USPL1: variants seen among roughly 807,000 people sequenced by gnomAD.
USPL1 encodes the protein SUMO-specific isopeptidase USPL1.
A neutral mutation model predicts 51.5 loss-of-function variants in USPL1; 27 were observed. That is an observed-to-expected ratio of 0.52 (90% CI 0.39 to 0.72). The LOEUF (loss-of-function observed/expected upper bound fraction) is 0.72. Among genes scored for constraint, USPL1 ranks in the 30% least tolerant of loss-of-function variants. USPL1 has a pLI of 0.00. For missense variants in USPL1, 1,226 were observed against 1,268.0 expected, an observed-to-expected ratio of 0.97 and a Z score of 0.50; for synonymous variants, 451 against 459.6, an observed-to-expected ratio of 0.98 and a Z score of 0.24.
Position 30,658,075 on chromosome 13 carries a change from A to G in USPL1, c.1998A>G (p.Val666=). 3 of 1,613,412 alleles carry G rather than the reference A, an allele frequency of 1.9e-6. No individual in the cohort carries two copies. Among genetic ancestry groups the G allele is most frequent in the Non-Finnish European group, 2.5e-6 (3 of 1,179,978 alleles). Residue 666 remains valine, a synonymous_variant, in exon 9 of 9, where the codon GTA becomes GTG. Transcript: ENST00000255304. The stretch of plus-strand genomic sequence containing the variant: ...TTGTAAATACAAACATGCAGTCAGT[A>G]CAGCTGAATACAGAAGATACTGTAA... The part of the protein sequence containing the change: ...SQVVNTNMQS[V]QLNTEDTVNT...
At chr13:30,625,663 G>C (rs1299702252) in intron 3 of USPL1, among the ~76,000 whole-genome samples, 1 of 151,932 alleles carries the variant, frequency 6.6e-6, no homozygotes, top group Non-Finnish European at 1.5e-5. Context: ...GGATGGGCTT[G>C]ATTTCCTGAC....
At position 30,632,431 on chromosome 13, in the gene USPL1, T is replaced by TA. The variant is rs1555247844; in HGVS notation, c.868+959dup. Among the ~76,000 whole-genome samples, 4 of 147,764 alleles carry TA rather than the reference T, an allele frequency of 2.7e-5. 1 individual carries two copies. In the East Asian group the frequency reaches 5.9e-4, roughly 22 times the overall value. ...ATTTTTTTTTTTTTTTTTTTTTTTT[T>TA]AAGACAGAGCCTCACTCTGTTGCCC... On this transcript the variant is annotated intron_variant, in intron 4 of 8. Coordinates refer to ENST00000255304, the MANE Select transcript of USPL1 (RefSeq NM_005800.5).
chr13:30,637,684 G>A (rs2137657960), intron 4 of USPL1, 60 bp from the exon 5 acceptor site: 1 of 1,366,610 alleles, frequency 7.3e-7, no homozygotes, highest in Non-Finnish European at 1.0e-6. Flanking sequence ...GAATGTGTCA[G>A]TTTTCTGTGG....
intron 5 of USPL1, among the ~76,000 whole-genome samples, chr13:30,641,167 A>G (rs1950942372): frequency 6.6e-6 from 1 of 152,254 alleles, no homozygotes; most frequent in Non-Finnish European, 1.5e-5. Flanking sequence ...GTAAATACCA[A>G]TCATAGGGAC....
intron 4 of USPL1, among the ~76,000 whole-genome samples, chr13:30,635,624 A>G (rs1387301012): frequency 6.6e-6 from 1 of 152,158 alleles, no homozygotes; most frequent in Non-Finnish European, 1.5e-5. Context: ...TTGGCCATAT[A>G]TATTTTGGGG....
intron 4 of USPL1, 31 bp downstream of exon 4, chr13:30,631,505 T>G (rs781544780): frequency 2.6e-5 from 41 of 1,550,152 alleles, no homozygotes; most frequent in South Asian, 4.9e-5. Context: ...TTTATTTACT[T>G]ATTTATTCAT....
chr13:30,636,760 T>G (rs1207715785), intron 4 of USPL1, among the ~76,000 whole-genome samples: 3 of 152,192 alleles, frequency 2.0e-5, no homozygotes, highest in African/African-American at 7.2e-5. Context: ...TTCAGCTGAA[T>G]ATAGTGGCAT....
In USPL1 at chr13:30,647,003, G is replaced by A. The variant is rs780111487; in HGVS notation, c.1184G>A (p.Gly395Asp). 6.2e-7 allele frequency: 1 copy of A among 1,613,686 alleles called. No homozygotes were observed. Among genetic ancestry groups the A allele is most frequent in the East Asian group, 2.2e-5 (1 of 44,872 alleles). Residue 395 changes from glycine (G) to aspartate (D), a missense_variant, in exon 7 of 9, where the codon GGT becomes GAT. Coordinates refer to ENST00000255304, the MANE Select transcript of USPL1 (RefSeq NM_005800.5). ...EWHPLNAAHF[G>D]PCNNCNSKSQ... is the part of the protein sequence containing the mutation. ...CACCCACTTAATGCTGCCCATTTTG[G>A]TCCATGTAACAATTGCAACAGTAAA...
chr13:30,639,392 T>C (rs1950917667), intron 5 of USPL1, among the ~76,000 whole-genome samples: 1 of 151,960 alleles, frequency 6.6e-6, no homozygotes, highest in Non-Finnish European at 1.5e-5. Context: ...TTTATTAAAA[T>C]TAATATATAA....
chr13:30,632,071 C>G (rs949141524), intron 4 of USPL1, among the ~76,000 whole-genome samples: 1 of 151,992 alleles, frequency 6.6e-6, no homozygotes, highest in African/African-American at 2.4e-5. Flanking sequence ...ACCCATCAAC[C>G]CGTCACCTAT....
intron 8 of USPL1, 152 bp downstream of exon 8, chr13:30,653,457 G>A (rs1017130547): frequency 1.8e-5 from 13 of 736,656 alleles, no homozygotes; most frequent in African/African-American, 3.6e-5. Flanking sequence ...GCCCCTCCTC[G>A]CATCTATTAA....
At chr13:30,638,134 G>A (rs1476637721) in intron 5 of USPL1, among the ~76,000 whole-genome samples, 1 of 152,208 alleles carries the variant, frequency 6.6e-6, no homozygotes, top group African/African-American at 2.4e-5. Context: ...TGCTTCTCTA[G>A]TACGTTTCCT....
chr13:30,627,427 T>C (rs149732592), intron 3 of USPL1, among the ~76,000 whole-genome samples: 225 of 152,170 alleles, frequency 1.5e-3, no homozygotes, highest in African/African-American at 4.9e-3. Flanking sequence ...ACAGATTATA[T>C]AGAGAAAAGT....
chr13:30,621,363 C>G, intron 2 of USPL1, 124 bp downstream of exon 2: 1 of 668,222 alleles, frequency 1.5e-6, no homozygotes, highest in South Asian at 2.1e-5. Flanking sequence ...GGAAATCTTA[C>G]AGTAATGGCG....
chr13:30,652,931 T>G (rs1177463014), intron 7 of USPL1, among the ~76,000 whole-genome samples: 1 of 152,238 alleles, frequency 6.6e-6, no homozygotes, highest in Non-Finnish European at 1.5e-5. Flanking sequence ...GACTTCCAAC[T>G]GTCTGGGATA....
In USPL1 at chr13:30,621,197, T is replaced by C; in HGVS notation, c.57T>C (p.Asp19=). The C allele has an allele frequency of 6.2e-7, 1 of 1,605,860 alleles. No homozygotes were observed. Among genetic ancestry groups the C allele is most frequent in the Non-Finnish European group, 8.5e-7 (1 of 1,177,200 alleles). The change falls in exon 2 of 9, where the codon GAT becomes GAC. Residue 19 remains aspartate, a synonymous_variant. Coordinates refer to ENST00000255304, the MANE Select transcript of USPL1 (RefSeq NM_005800.5). The stretch of plus-strand genomic sequence containing the variant: ...TGCCAGTGATTGGACCAGGGACTGA[T>C]ATAGGGATATCTTCACTCCACATGG... ...NGLPVIGPGT[D]IGISSLHMVG...
chr13:30,647,136 T>G (rs1353787604), intron 7 of USPL1, 79 bp downstream of exon 7: 2 of 1,433,350 alleles, frequency 1.4e-6, no homozygotes, highest in Admixed American at 3.7e-5. Context: ...GGATTGAAAA[T>G]GGTGACAACA....
At chr13:30,643,854 G>A (rs1950982305) in intron 6 of USPL1, among the ~76,000 whole-genome samples, 1 of 151,192 alleles carries the variant, frequency 6.6e-6, no homozygotes, top group African/African-American at 2.4e-5. Flanking sequence ...AGGTGATCCA[G>A]CCACCTGAGC....
intron 7 of USPL1, among the ~76,000 whole-genome samples, chr13:30,648,775 G>C (rs1468760099): frequency 6.6e-6 from 1 of 152,146 alleles, no homozygotes; most frequent in Non-Finnish European, 1.5e-5. Flanking sequence ...AGGAAGAGGA[G>C]GTGTCTGTAT....
Sources: allele counts gnomAD v4.1 joint callset (sites outside exome capture counted in the v4.1 genomes callset), GRCh38; gene constraint gnomAD v4.1.1; transcripts MANE v1.5; gene names NCBI Gene and HGNC (gene_info 2026-07-23, HGNC 2026-07-21).